The following SLC25A21 variants were observed in gnomAD, a reference collection of about 807,000 sequenced individuals.
The protein encoded by SLC25A21 is mitochondrial 2-oxodicarboxylate carrier.
Under a neutral mutation model 43.8 loss-of-function variants are expected in SLC25A21, and 47 were observed. That is an observed-to-expected ratio of 1.07 (90% confidence interval 0.85 to 1.37). The LOEUF (loss-of-function observed/expected upper bound fraction) is 1.37. Ranked by LOEUF, SLC25A21 falls within the 40% of genes most tolerant of loss-of-function variation. SLC25A21 has a pLI of 0.00. For synonymous variants in SLC25A21, 131 were observed against 121.3 expected (o/e 1.08, Z -0.52); for missense variants, 352 against 350.2 (o/e 1.00, Z -0.04).
At chr14:37,156,306 G>A (rs541020743) in intron 1 of SLC25A21, among the ~76,000 whole-genome samples, 2 of 151,752 alleles carry the variant, frequency 1.3e-5, no homozygotes, top group South Asian at 4.2e-4. Context: ...AGGTTCTAAA[G>A]ACTGGGAAAA....
intron 2 of SLC25A21, among the ~76,000 whole-genome samples, chr14:36,859,209 A>G (rs1889993097): frequency 1.3e-5 from 2 of 152,228 alleles, no homozygotes; most frequent in African/African-American, 4.8e-5. Context: ...TACCTAAACA[A>G]TCTTGATAAA....
intron 1 of SLC25A21, among the ~76,000 whole-genome samples, chr14:37,087,162 C>T (rs1594786285): frequency 6.6e-6 from 1 of 152,230 alleles, no homozygotes; most frequent in South Asian, 2.1e-4. Flanking sequence ...TAGTTTCCTC[C>T]ACAATAAAAG....
intron 1 of SLC25A21, among the ~76,000 whole-genome samples, chr14:36,926,630 G>A (rs1892140490): frequency 6.6e-6 from 1 of 152,174 alleles, no homozygotes; most frequent in South Asian, 2.1e-4. Flanking sequence ...GTATGTGAAA[G>A]AGTGTTTGGA....
chr14:36,820,422 T>C (rs574935667), intron 2 of SLC25A21, among the ~76,000 whole-genome samples: 1 of 152,236 alleles, frequency 6.6e-6, no homozygotes, highest in East Asian at 1.9e-4. Flanking sequence ...TGCCACTTTT[T>C]CCCCCTTCAC....
At chr14:36,910,185 T>G (rs1276115329) in intron 1 of SLC25A21, among the ~76,000 whole-genome samples, 2 of 152,204 alleles carry the variant, frequency 1.3e-5, no homozygotes, top group Admixed American at 6.5e-5. Context: ...ACAGAGATCA[T>G]CATGGATCAC....
At chr14:37,025,306 T>C (rs1256495712) in intron 1 of SLC25A21, among the ~76,000 whole-genome samples, 1 of 152,116 alleles carries the variant, frequency 6.6e-6, no homozygotes, top group African/African-American at 2.4e-5. Context: ...AATCCTGGGA[T>C]TGTTTTGAGA....
At chr14:36,811,272 G>C (rs1262379769) in intron 3 of SLC25A21, among the ~76,000 whole-genome samples, 1 of 152,188 alleles carries the variant, frequency 6.6e-6, no homozygotes, top group Non-Finnish European at 1.5e-5. Context: ...GCTACAGATA[G>C]ATGAATGAGT....
rs191137214 is a variant in SLC25A21 at position 36,816,863 on chromosome 14, A to G, written c.120-2862T>C. Among the ~76,000 whole-genome samples the G allele has an allele frequency of 2.9e-4, 44 of 152,286 alleles. No individual in the cohort carries two copies. In the East Asian group the frequency reaches 7.5e-3, roughly 26 times the overall value. On this transcript the variant is annotated intron_variant, in intron 2 of 9. Coordinates refer to ENST00000331299, the MANE Select transcript of SLC25A21 (RefSeq NM_030631.4). ...AAAATACGACTTTGGTTCAGTTCAA[A>G]TAAGAATCTTCATTTCTGTATTTGC...
intron 7 of SLC25A21, among the ~76,000 whole-genome samples, 178 bp downstream of exon 7, chr14:36,711,140 G>C (rs1353753719): frequency 2.0e-5 from 3 of 152,124 alleles, no homozygotes; most frequent in Non-Finnish European, 4.4e-5. Flanking sequence ...ATCTTTCTAA[G>C]ACTCCACTTC....
chr14:36,803,330 T>C (rs1887931747), intron 3 of SLC25A21, among the ~76,000 whole-genome samples: 1 of 152,216 alleles, frequency 6.6e-6, no homozygotes, highest in Non-Finnish European at 1.5e-5. Context: ...ATATGTCTTA[T>C]TGCTTAATGA....
At chr14:36,921,706 A>G (rs773187822) in intron 1 of SLC25A21, among the ~76,000 whole-genome samples, 26 of 152,192 alleles carry the variant, frequency 1.7e-4, no homozygotes, top group Admixed American at 9.8e-4. Context: ...AAGGGACAAG[A>G]GCAGGCTTCC....
chr14:36,720,973 C>A (rs939477014), intron 6 of SLC25A21, among the ~76,000 whole-genome samples: 1 of 152,192 alleles, frequency 6.6e-6, no homozygotes, highest in Admixed American at 6.5e-5. Context: ...AGGGAGAAGA[C>A]CCTTGCTCAG....
intron 1 of SLC25A21, among the ~76,000 whole-genome samples, chr14:37,068,476 A>G (rs1420163971): frequency 6.6e-6 from 1 of 152,200 alleles, no homozygotes; most frequent in Admixed American, 6.5e-5. Context: ...GGAAAGAGTT[A>G]TATGTGTTTT....
At chr14:36,854,340 G>A (rs410818) in intron 2 of SLC25A21, among the ~76,000 whole-genome samples, 21,867 of 152,212 alleles carry the variant, frequency 0.14, 1,998 homozygotes, top group Admixed American at 0.19. Flanking sequence ...AGTTATAGTC[G>A]AGTTGGGCCT....
intron 1 of SLC25A21, among the ~76,000 whole-genome samples, chr14:37,026,120 T>C (rs898073161): frequency 3.3e-5 from 5 of 152,210 alleles, no homozygotes; most frequent in African/African-American, 1.2e-4. Flanking sequence ...GCTTTCCCTT[T>C]TGTGAACTAC....
chr14:36,783,057 T>C (rs1380088467), intron 3 of SLC25A21, among the ~76,000 whole-genome samples: 3 of 151,752 alleles, frequency 2.0e-5, no homozygotes, highest in Non-Finnish European at 4.4e-5. Context: ...TGCAAAGCCA[T>C]GTCAGGTGCT....
intron 1 of SLC25A21, among the ~76,000 whole-genome samples, chr14:37,085,056 G>T (rs1009909291): frequency 6.6e-5 from 10 of 151,566 alleles, no homozygotes; most frequent in Non-Finnish European, 1.5e-4. Flanking sequence ...TCTTCTTCTT[G>T]CATGATTATT....
At chr14:36,848,320 ATT>A (rs1889613642) in intron 2 of SLC25A21, among the ~76,000 whole-genome samples, 1 of 152,242 alleles carries the variant, frequency 6.6e-6, no homozygotes, top group Non-Finnish European at 1.5e-5. Context: ...CGTTATGTAT[ATT>A]CTCCATACTG....
At chr14:36,717,401 T>TGTTC in intron 6 of SLC25A21, among the ~76,000 whole-genome samples, 1 of 152,228 alleles carries the variant, frequency 6.6e-6, no homozygotes, top group Non-Finnish European at 1.5e-5. Flanking sequence ...GTATGTTGTA[T>TGTTC]GAACAGGTCT....
Sources: gnomAD v4.1 joint callset for allele counts (sites outside exome capture counted in the v4.1 genomes callset) on GRCh38, gnomAD v4.1.1 for gene constraint, MANE v1.5 for transcripts, NCBI Gene and HGNC (gene_info 2026-07-23, HGNC 2026-07-21) for gene names.